CYTH3: variants seen among roughly 807,000 people sequenced by gnomAD.
CYTH3 encodes the protein cytohesin 3.
Under a neutral mutation model 55.1 loss-of-function variants are expected in CYTH3, and 23 were observed. That is an observed-to-expected ratio of 0.42 (90% CI 0.30 to 0.59). The LOEUF is 0.59. Among genes scored for constraint, CYTH3 ranks in the 20% least tolerant of loss-of-function variants. CYTH3 has a pLI of 0.20. For missense variants in CYTH3, 413 were observed against 524.8 expected, an observed-to-expected ratio of 0.79 and a Z score of 2.08; for synonymous variants, 249 against 194.9, an observed-to-expected ratio of 1.28 and a Z score of -2.31.
chr7:6,173,613 T>G (rs1446511697), intron 6 of CYTH3, 40 bp downstream of exon 6: 1 of 1,365,636 alleles, frequency 7.3e-7, no homozygotes, highest in Non-Finnish European at 1.0e-6. Flanking sequence ...TCCTCTGGCC[T>G]TCCCCATCCA....
chr7:6,179,620 ACACC>A (rs1783428452), intron 4 of CYTH3, among the ~76,000 whole-genome samples: 1 of 108,250 alleles, frequency 9.2e-6, no homozygotes, highest in African/African-American at 4.7e-5. Context: ...CCACACACAC[ACACC>A]CCCCACATAC....
At position 6,229,804 on chromosome 7, in the gene CYTH3, G is replaced by C. The variant is rs1779343908; in HGVS notation, c.35-39273C>G. On this transcript the variant is annotated intron_variant, in intron 1 of 12. Coordinates refer to ENST00000350796, the MANE Select transcript of CYTH3 (RefSeq NM_004227.4). ...TGCACTCCAGCCTGGGCAACAGAAA[G>C]AGACCCTGTCTCAAAAGAAAAAAAA... 1.4e-5 allele frequency among the ~76,000 whole-genome samples: 2 copies of C among 147,722 alleles called. 1 individual carries two copies. The highest frequency in any genetic ancestry group is 4.3e-4 in the South Asian group (2 of 4,662).
At chr7:6,259,772 T>TATATAATATATATATA (rs1491219669) in intron 1 of CYTH3, among the ~76,000 whole-genome samples, 1 of 30,496 alleles carries the variant, frequency 3.3e-5, no homozygotes, top group African/African-American at 3.1e-4. Flanking sequence ...TATATATATA[T>TATATAATATATATATA]TATATATATA....
intron 1 of CYTH3, among the ~76,000 whole-genome samples, chr7:6,226,807 G>A (rs1200226188): frequency 2.0e-5 from 3 of 152,108 alleles, no homozygotes; most frequent in East Asian, 3.8e-4. Context: ...GGGGCCGGGC[G>A]CGGTGGCTCA....
chr7:6,272,192 G>A (rs2115076705), intron 1 of CYTH3, among the ~76,000 whole-genome samples: 1 of 152,100 alleles, frequency 6.6e-6, no homozygotes, highest in South Asian at 2.1e-4. Context: ...CCCAAACCCC[G>A]GCCCGAGACT....
At chr7:6,224,315 TAAA>T (rs11458182) in intron 1 of CYTH3, among the ~76,000 whole-genome samples, 2,426 of 86,642 alleles carry the variant, frequency 0.028, 30 homozygotes, top group Middle Eastern at 0.11. Context: ...CAAAAATAGG[TAAA>T]AAAAAAAAAA....
chr7:6,258,843 G>A (rs947760645), intron 1 of CYTH3, among the ~76,000 whole-genome samples: 1 of 152,140 alleles, frequency 6.6e-6, no homozygotes, highest in African/African-American at 2.4e-5. Context: ...TATAAAAATA[G>A]CTCAATAATT....
Position 6,259,742 on chromosome 7 carries a change from TAA to T in CYTH3, c.34+12730_34+12731del, listed in dbSNP as rs1562417142. On this transcript the variant is annotated intron_variant, in intron 1 of 12. Transcript: ENST00000350796. Reference sequence around the variant, plus strand: ...TCAAAATATTTTACATACATATATATAATATATATATATATTATATATATATA... The same window carrying T: ...TCAAAATATTTTACATACATATATATTATATATATATATTATATATATATA... Among the ~76,000 whole-genome samples, 43 of 39,972 alleles carry T rather than the reference TAA, an allele frequency of 1.1e-3. 1 individual carries two copies. Among genetic ancestry groups the T allele is most frequent in the African/African-American group, 4.4e-3 (34 of 7,730 alleles). 26.2% of individuals were successfully genotyped at this position (39,972 alleles called of 152,430 possible). A position where few individuals can be genotyped will look rare whatever the true frequency, so the allele number is the denominator to read the frequency against.
At chr7:6,179,197 C>T (rs1337574092) in intron 4 of CYTH3, among the ~76,000 whole-genome samples, 1 of 152,130 alleles carries the variant, frequency 6.6e-6, no homozygotes, top group Non-Finnish European at 1.5e-5. Flanking sequence ...ACTCTACAGC[C>T]ATGAAATGGA....
At chr7:6,214,204 A>C (rs1471896967) in intron 1 of CYTH3, among the ~76,000 whole-genome samples, 3 of 152,236 alleles carry the variant, frequency 2.0e-5, no homozygotes, top group African/African-American at 7.2e-5. Flanking sequence ...AAGCACACAC[A>C]GTGAAAGGTT....
intron 1 of CYTH3, among the ~76,000 whole-genome samples, chr7:6,234,973 C>T (rs1033695152): frequency 6.6e-5 from 10 of 152,186 alleles, no homozygotes; most frequent in African/African-American, 1.9e-4. Context: ...CCTCTGATCC[C>T]TCACTTCAGT....
At chr7:6,190,212 A>T (rs188226353) in intron 2 of CYTH3, among the ~76,000 whole-genome samples, 16 of 151,962 alleles carry the variant, frequency 1.1e-4, no homozygotes, top group African/African-American at 3.4e-4. Context: ...CGATGTCTTG[A>T]TTTCTACCCG....
chr7:6,191,618 CAG>C (rs1359104892), intron 1 of CYTH3, among the ~76,000 whole-genome samples: 1 of 112,026 alleles, frequency 8.9e-6, no homozygotes, highest in Non-Finnish European at 1.7e-5. Flanking sequence ...TTTTTTGAGA[CAG>C]AATCTGACTC....
intron 1 of CYTH3, among the ~76,000 whole-genome samples, chr7:6,221,918 C>G (rs1784562547): frequency 6.6e-6 from 1 of 152,104 alleles, no homozygotes; most frequent in African/African-American, 2.4e-5. Flanking sequence ...TGCCACTGCA[C>G]TCCAGCATGG....
At chr7:6,230,224 A>G (rs147795945) in intron 1 of CYTH3, among the ~76,000 whole-genome samples, 3 of 152,348 alleles carry the variant, frequency 2.0e-5, no homozygotes, top group African/African-American at 7.2e-5. Context: ...GTCCGAATGG[A>G]AAGTGATGCA....
At chr7:6,175,513 A>AT (rs1562879157) in intron 5 of CYTH3, among the ~76,000 whole-genome samples, 1 of 147,052 alleles carries the variant, frequency 6.8e-6, no homozygotes, top group South Asian at 2.2e-4. Flanking sequence ...TCCTTATGCC[A>AT]GTCTTACAAT....
intron 1 of CYTH3, 41 bp downstream of exon 1, chr7:6,272,433 C>T: frequency 7.5e-7 from 1 of 1,332,024 alleles, no homozygotes; most frequent in Non-Finnish European, 9.7e-7. Flanking sequence ...CGGCCCCCGA[C>T]CCCAGGCCGC....
chr7:6,184,449 T>C (rs1783587321), intron 4 of CYTH3, among the ~76,000 whole-genome samples: 1 of 152,172 alleles, frequency 6.6e-6, no homozygotes, highest in African/African-American at 2.4e-5. Flanking sequence ...TGGCCCTTAT[T>C]ATAAATCTGA....
chr7:6,196,663 G>T (rs1005667612), intron 1 of CYTH3, among the ~76,000 whole-genome samples: 6 of 152,002 alleles, frequency 3.9e-5, no homozygotes, highest in Non-Finnish European at 8.8e-5. Flanking sequence ...GTTTCACCGT[G>T]TTGGCCAGGC....
Sources: gnomAD v4.1 joint callset for allele counts (sites outside exome capture counted in the v4.1 genomes callset) on GRCh38, gnomAD v4.1.1 for gene constraint, MANE v1.5 for transcripts, NCBI Gene and HGNC (gene_info 2026-07-23, HGNC 2026-07-21) for gene names.